PDE4D: variants seen among roughly 807,000 people sequenced by gnomAD.
The protein encoded by PDE4D is 3',5'-cyclic-AMP phosphodiesterase 4D.
Under a neutral mutation model 87.4 loss-of-function variants are expected in PDE4D, and 24 were observed. That is an observed-to-expected ratio of 0.27 (90% CI 0.20 to 0.39). The LOEUF (loss-of-function observed/expected upper bound fraction) is 0.39, where lower values mean the gene tolerates loss of function less well. PDE4D is among the 10% of genes least tolerant of loss of function. PDE4D has a pLI of 1.00. For missense variants in PDE4D, 714 were observed against 1,041.0 expected, an observed-to-expected ratio of 0.69 and a Z score of 4.32; for synonymous variants, 384 against 383.2, an observed-to-expected ratio of 1.00 and a Z score of -0.02.
chr5:59,187,306 T>C (rs907585836), intron 3 of PDE4D, among the ~76,000 whole-genome samples: 1 of 152,104 alleles, frequency 6.6e-6, no homozygotes, highest in African/African-American at 2.4e-5. Flanking sequence ...AGTTTAAAAT[T>C]TATGTATTTT....
In PDE4D at chr5:59,690,839, A is replaced by G. The variant is rs1750783507; in HGVS notation, c.455+202329T>C. On this transcript the variant is annotated intron_variant, in intron 1 of 14. Coordinates refer to ENST00000340635, the MANE Select transcript of PDE4D (RefSeq NM_001104631.2). ...TACCCATCTGAGAAAGAGCTAATACACAGAATCTACAAATAACTTAAACAA... is the reference window on the plus strand; with the variant it reads ...TACCCATCTGAGAAAGAGCTAATACGCAGAATCTACAAATAACTTAAACAA... 2.0e-5 allele frequency among the ~76,000 whole-genome samples: 3 copies of G among 152,262 alleles called. No individual in the cohort carries two copies. In the South Asian group the frequency reaches 6.2e-4, roughly 32 times the overall value.
chr5:60,463,375 G>GAC (rs145535693), intron 1 of PDE4D, among the ~76,000 whole-genome samples: 23 of 151,052 alleles, frequency 1.5e-4, no homozygotes, highest in East Asian at 5.8e-4. Context: ...GACACACACA[G>GAC]ACACACACAC....
chr5:60,050,331 C>T (rs1459375694), intron 2 of PDE4D, among the ~76,000 whole-genome samples: 9 of 152,262 alleles, frequency 5.9e-5, no homozygotes, highest in African/African-American at 9.6e-5. Context: ...TCTTCTGTGA[C>T]GCTCTCACTG....
intron 2 of PDE4D, among the ~76,000 whole-genome samples, chr5:60,044,508 TC>T (rs71606621): frequency 1.3e-5 from 2 of 150,094 alleles, no homozygotes; most frequent in Admixed American, 6.6e-5. Context: ...TTGCTATCCC[TC>T]CCCCCTACCC....
intron 1 of PDE4D, among the ~76,000 whole-genome samples, chr5:60,303,417 T>C (rs892159399): frequency 4.0e-5 from 6 of 150,730 alleles, no homozygotes; most frequent in Non-Finnish European, 5.9e-5. Flanking sequence ...CACGCCATTC[T>C]CCTGCCTCAG....
In PDE4D at chr5:59,497,912, C is replaced by T. The variant is rs137992308; in HGVS notation, c.456-281944G>A. On this transcript the variant is annotated intron_variant, in intron 1 of 14. Coordinates refer to ENST00000340635, the MANE Select transcript of PDE4D (RefSeq NM_001104631.2). Reference sequence around the variant, plus strand: ...GTCAACGTGAAAGAAAAAAACTTAACGGCAGCTAGAGAAAACAGTCATATC... The same window carrying T: ...GTCAACGTGAAAGAAAAAAACTTAATGGCAGCTAGAGAAAACAGTCATATC... Among the ~76,000 whole-genome samples the T allele has an allele frequency of 1.5e-3, 235 of 152,134 alleles. 2 individuals are homozygous for T. The highest frequency in any genetic ancestry group is 5.4e-3 in the African/African-American group (223 of 41,502).
At chr5:59,410,228 C>T (rs1359858133) in intron 1 of PDE4D, among the ~76,000 whole-genome samples, 3 of 150,742 alleles carry the variant, frequency 2.0e-5, no homozygotes, top group South Asian at 2.1e-4. Context: ...TCTATCTCCA[C>T]GAGTTCAAGT....
intron 1 of PDE4D, chr5:60,429,921 G>A (rs1292664886): frequency 5.1e-5 from 22 of 433,316 alleles, no homozygotes; most frequent in South Asian, 2.3e-4. Flanking sequence ...CATTCACACC[G>A]ACTGTAGATT....
intron 5 of PDE4D, among the ~76,000 whole-genome samples, chr5:59,118,599 A>C (rs1454178502): frequency 6.6e-6 from 1 of 152,240 alleles, no homozygotes; most frequent in Non-Finnish European, 1.5e-5. Flanking sequence ...ACCATCGAAC[A>C]TAAATTTCAA....
At chr5:59,900,287 C>CACACACAT (rs142366012) in intron 3 of PDE4D, among the ~76,000 whole-genome samples, 2,044 of 145,232 alleles carry the variant, frequency 0.014, 22 homozygotes, top group East Asian at 0.035. Flanking sequence ...CACACACACA[C>CACACACAT]ATATATATAT....
chr5:60,255,836 A>C (rs900861294), intron 1 of PDE4D, among the ~76,000 whole-genome samples: 5 of 151,772 alleles, frequency 3.3e-5, no homozygotes, highest in Non-Finnish European at 7.4e-5. Context: ...ACAAAGGAAT[A>C]AGCTTAAGAA....
At chr5:60,505,650 C>A (rs1750288966) in intron 1 of PDE4D, among the ~76,000 whole-genome samples, 1 of 152,168 alleles carries the variant, frequency 6.6e-6, no homozygotes, top group African/African-American at 2.4e-5. Flanking sequence ...CGAAGCCAGA[C>A]CTTAGGTTTA....
At chr5:59,380,569 A>AATTATT (rs1159800269) in intron 1 of PDE4D, among the ~76,000 whole-genome samples, 6 of 152,292 alleles carry the variant, frequency 3.9e-5, no homozygotes, top group African/African-American at 1.4e-4. Context: ...TTGAGGTCAC[A>AATTATT]TCGCTCTACT....
chr5:59,337,472 A>C (rs966684525), intron 1 of PDE4D, among the ~76,000 whole-genome samples: 6 of 151,646 alleles, frequency 4.0e-5, no homozygotes, highest in African/African-American at 1.5e-4. Flanking sequence ...CCTTTTTAAT[A>C]ATGAAGGTCA....
In PDE4D at chr5:59,598,676, A is replaced by G. The variant is rs1035251917; in HGVS notation, c.455+294492T>C. ...GCCTCTCTTCATAGACTGCAGGTCTAGTGTGCAGGTGATAGTGCTAAACTC... is the reference window on the plus strand; with the variant it reads ...GCCTCTCTTCATAGACTGCAGGTCTGGTGTGCAGGTGATAGTGCTAAACTC... On this transcript the variant is annotated intron_variant, in intron 1 of 14. Transcript: ENST00000340635. 2.0e-5 allele frequency among the ~76,000 whole-genome samples: 3 copies of G among 152,112 alleles called. No individual in the cohort carries two copies. The East Asian group carries it at 5.8e-4, about 29-fold the overall frequency.
chr5:59,378,982 G>T (rs200260677), intron 1 of PDE4D, among the ~76,000 whole-genome samples: 1 of 14,800 alleles, frequency 6.8e-5, no homozygotes, highest in African/African-American at 4.0e-4. Context: ...GTGTGTGTTT[G>T]TGTGTGTGTG....
chr5:59,954,489 A>C (rs187675390), intron 3 of PDE4D, among the ~76,000 whole-genome samples: 2 of 152,174 alleles, frequency 1.3e-5, no homozygotes, highest in African/African-American at 4.8e-5. Context: ...GAAGATTTAG[A>C]CCTAAAATTG....
At chr5:59,115,714 G>A (rs931370803) in intron 5 of PDE4D, among the ~76,000 whole-genome samples, 4 of 152,110 alleles carry the variant, frequency 2.6e-5, no homozygotes, top group African/African-American at 9.7e-5. Flanking sequence ...TAGTTAGGAT[G>A]TATATTGTTA....
At chr5:59,248,042 TAAAAAAAAAA>T (rs70975306) in intron 1 of PDE4D, among the ~76,000 whole-genome samples, 1 of 37,492 alleles carries the variant, frequency 2.7e-5, no homozygotes, top group African/African-American at 1.3e-4. Flanking sequence ...TATCTATTAG[TAAAAAAAAAA>T]AAAAAAAAAA....
Sources: allele counts gnomAD v4.1 joint callset (sites outside exome capture counted in the v4.1 genomes callset), GRCh38; gene constraint gnomAD v4.1.1; transcripts MANE v1.5; gene names NCBI Gene and HGNC (gene_info 2026-07-23, HGNC 2026-07-21).